DOCK2: variants seen among roughly 807,000 people sequenced by gnomAD.
The protein encoded by DOCK2 is dedicator of cytokinesis protein 2.
DOCK2 carries 87 observed loss-of-function variants against 248.9 expected under a neutral mutation model. The ratio of observed to expected loss-of-function variants is 0.35; its 90% CI spans 0.29 to 0.42. DOCK2 has a LOEUF of 0.42. Among genes scored for constraint, DOCK2 ranks in the 10% least tolerant of loss-of-function variants. DOCK2 has a pLI of 1.00. For missense variants in DOCK2, 1,747 were observed against 2,300.2 expected (o/e 0.76, Z 4.92); for synonymous variants, 805 against 821.6 (o/e 0.98, Z 0.35).
chr5:169,792,449 A>ATGTGTGTG (rs1026665601), intron 25 of DOCK2, among the ~76,000 whole-genome samples: 7 of 106,638 alleles, frequency 6.6e-5, no homozygotes, highest in Non-Finnish European at 9.6e-5. Flanking sequence ...TATATTTTAT[A>ATGTGTGTG]TATGTGTGTG....
intron 1 of DOCK2, among the ~76,000 whole-genome samples, chr5:169,642,662 C>A (rs1331725835): frequency 6.6e-6 from 1 of 152,228 alleles, no homozygotes; most frequent in African/African-American, 2.4e-5. Flanking sequence ...GGGCTTCCTA[C>A]TTTCAGATGC....
chr5:170,041,422 C>T (rs574630209), intron 37 of DOCK2, among the ~76,000 whole-genome samples: 2 of 152,170 alleles, frequency 1.3e-5, no homozygotes, highest in Non-Finnish European at 2.9e-5. Flanking sequence ...AAATCATTGG[C>T]ATGCCCACTG....
At chr5:169,784,543 C>A (rs2113021611) in intron 25 of DOCK2, among the ~76,000 whole-genome samples, 1 of 152,290 alleles carries the variant, frequency 6.6e-6, no homozygotes, top group East Asian at 1.9e-4. Context: ...CAGGTGTGTA[C>A]AAATAGAGTA....
chr5:169,715,774 C>T (rs1423938476), intron 19 of DOCK2, among the ~76,000 whole-genome samples: 1 of 152,020 alleles, frequency 6.6e-6, no homozygotes, highest in Non-Finnish European at 1.5e-5. Flanking sequence ...TTCCCTCATA[C>T]CCCTTCTCAG....
chr5:169,762,436 A>G (rs1764542132), intron 25 of DOCK2, among the ~76,000 whole-genome samples: 1 of 152,078 alleles, frequency 6.6e-6, no homozygotes, highest in Non-Finnish European at 1.5e-5. Flanking sequence ...GCTTACCCTA[A>G]ACTGGTCACC....
chr5:169,800,964 T>G, intron 25 of DOCK2, among the ~76,000 whole-genome samples: 1 of 106,202 alleles, frequency 9.4e-6, no homozygotes, highest in East Asian at 2.5e-4. Context: ...TTTTTTTTTT[T>G]TTTTTTTTTG....
At chr5:169,699,537 C>T (rs1221561085) in intron 12 of DOCK2, 79 bp downstream of exon 12, 1 of 1,402,370 alleles carries the variant, frequency 7.1e-7, no homozygotes, top group East Asian at 2.3e-5. Flanking sequence ...AATCAAAATC[C>T]TGAACCCTGG....
chr5:169,664,387 A>G (rs114637056), intron 2 of DOCK2, among the ~76,000 whole-genome samples: 2,348 of 152,226 alleles, frequency 0.015, 74 homozygotes, highest in African/African-American at 0.053. Context: ...AGCCCTTTAA[A>G]CTGTTCCAAC....
intron 15 of DOCK2, among the ~76,000 whole-genome samples, chr5:169,709,555 A>G (rs1413055433): frequency 6.6e-6 from 1 of 152,036 alleles, no homozygotes; most frequent in Non-Finnish European, 1.5e-5. Flanking sequence ...AAATACATAC[A>G]TACATACATA....
chr5:170,047,441 G>T, intron 39 of DOCK2, 69 bp from the exon 40 acceptor site: 4 of 1,384,486 alleles, frequency 2.9e-6, no homozygotes, highest in Middle Eastern at 1.8e-4. Flanking sequence ...TCTTCACCAA[G>T]GCCTCTTTGA....
chr5:169,918,335 G>C (rs1417204703), intron 27 of DOCK2, among the ~76,000 whole-genome samples: 1 of 152,150 alleles, frequency 6.6e-6, no homozygotes, highest in Non-Finnish European at 1.5e-5. Context: ...ATAACCCAGC[G>C]ATTCTTCTGC....
intron 26 of DOCK2, among the ~76,000 whole-genome samples, chr5:169,836,569 G>A (rs1769593886): frequency 1.3e-5 from 2 of 152,188 alleles, no homozygotes; most frequent in Non-Finnish European, 1.5e-5. Context: ...AAAATGTCAT[G>A]CCATCCTCAT....
At chr5:169,894,929 G>A (rs950506722) in intron 27 of DOCK2, among the ~76,000 whole-genome samples, 3 of 152,200 alleles carry the variant, frequency 2.0e-5, no homozygotes, top group Admixed American at 6.5e-5. Flanking sequence ...CCGTCTGCTG[G>A]TTTTGGTGTT....
intron 2 of DOCK2, among the ~76,000 whole-genome samples, chr5:169,662,926 A>C (rs1299720650): frequency 6.6e-6 from 1 of 152,174 alleles, no homozygotes; most frequent in Non-Finnish European, 1.5e-5. Flanking sequence ...AGTCCCCCAA[A>C]GTCTTAACTC....
intron 27 of DOCK2, among the ~76,000 whole-genome samples, chr5:169,870,630 T>C (rs1367054597): frequency 2.6e-5 from 4 of 152,136 alleles, no homozygotes; most frequent in African/African-American, 9.7e-5. Flanking sequence ...TACTTTAAGT[T>C]TTAGGGTACA....
At chr5:169,692,055 C>T (rs1433382647) in intron 9 of DOCK2, among the ~76,000 whole-genome samples, 1 of 151,940 alleles carries the variant, frequency 6.6e-6, no homozygotes, top group Non-Finnish European at 1.5e-5. Flanking sequence ...GGGGTTTCAC[C>T]ATGTTGGCCA....
chr5:169,904,923 C>T (rs1774187124), intron 27 of DOCK2, among the ~76,000 whole-genome samples: 2 of 152,132 alleles, frequency 1.3e-5, no homozygotes, highest in Non-Finnish European at 2.9e-5. Context: ...CTCTGGAACC[C>T]GAGAGACCCG....
chr5:169,706,969 ATCTGATTGAATC>A (rs1761301786), intron 14 of DOCK2, among the ~76,000 whole-genome samples: 1 of 152,180 alleles, frequency 6.6e-6, no homozygotes, highest in South Asian at 2.1e-4. Flanking sequence ...CCACGGGAGA[ATCTGATTGAATC>A]TCATGAGAGG....
intron 34 of DOCK2, among the ~76,000 whole-genome samples, chr5:170,032,066 G>A (rs534402113): frequency 1.5e-4 from 22 of 147,390 alleles, no homozygotes; most frequent in East Asian, 2.0e-4. Context: ...TCGCTCTGTC[G>A]CCCAGGCTGG....
Sources: allele counts gnomAD v4.1 joint callset (sites outside exome capture counted in the v4.1 genomes callset), GRCh38; gene constraint gnomAD v4.1.1; transcripts MANE v1.5; gene names NCBI Gene and HGNC (gene_info 2026-07-23, HGNC 2026-07-21).